Variants in TEX101 observed in about 807,000 individuals in gnomAD.
TEX101 encodes the protein testis-expressed protein 101.
TEX101 carries 10 observed loss-of-function variants against 18.1 expected under a neutral mutation model. The observed-to-expected ratio is 0.55, with a 90% CI of 0.34 to 0.94. The LOEUF (loss-of-function observed/expected upper bound fraction) is 0.94. TEX101 is among the 40% of genes least tolerant of loss of function. The pLI, the probability that TEX101 is intolerant of heterozygous loss-of-function variation, is 0.02. For synonymous variants in TEX101, 94 were observed against 114.8 expected (o/e 0.82, Z 1.16); for missense variants, 259 against 298.9 (o/e 0.87, Z 0.98).
intron 1 of TEX101, among the ~76,000 whole-genome samples, chr19:43,402,352 G>T (rs1469503853): frequency 6.6e-6 from 1 of 152,166 alleles, no homozygotes; most frequent in Non-Finnish European, 1.5e-5. Context: ...GATTAAGCAG[G>T]CAGGTCTAGA....
At chr19:43,397,576 TG>T (rs1014154990), upstream of TEX101, among the ~76,000 whole-genome samples, 10 of 137,998 alleles carry the variant, frequency 7.2e-5, no homozygotes, top group East Asian at 6.2e-4. Flanking sequence ...ATATTTCCTC[TG>T]GTTTTTTTCT....
the TEX101 span, among the ~76,000 whole-genome samples, chr19:43,392,102 G>A: frequency 6.6e-6 from 1 of 152,064 alleles, no homozygotes; most frequent in Non-Finnish European, 1.5e-5. Flanking sequence ...GAGAGAGAGA[G>A]AAAATGATAA....
chr19:43,409,903 T>C (rs752226115), upstream of TEX101, among the ~76,000 whole-genome samples: 1 of 152,088 alleles, frequency 6.6e-6, no homozygotes, highest in Non-Finnish European at 1.5e-5. Context: ...TTAGCTGGCA[T>C]GGTGACATGT....
chr19:43,413,535 A>G (rs1390056628), upstream of TEX101, among the ~76,000 whole-genome samples: 3 of 150,130 alleles, frequency 2.0e-5, no homozygotes, highest in Admixed American at 6.6e-5. Flanking sequence ...TTTTTCAGGG[A>G]GCTCGGCTCT....
At chr19:43,391,292 T>A in the TEX101 span, among the ~76,000 whole-genome samples, 4 of 152,050 alleles carry the variant, frequency 2.6e-5, no homozygotes, top group Non-Finnish European at 5.9e-5. Flanking sequence ...TTTTGGTGAG[T>A]CTATGATTAA....
rs375297798 is a variant in TEX101, at chr19:43,415,996, G to A, written c.64+13G>A. 6.2e-7 allele frequency: 1 copy of A among 1,613,672 alleles called. No individual in the cohort carries two copies. Among genetic ancestry groups the A allele is most frequent in the South Asian group, 1.1e-5 (1 of 90,996 alleles). ...TCCCTCCTGACCTGTGCGTATGGGG[G>A]ACATAGGGGAGAGCCGTGTGTCACA... On this transcript the variant is annotated intron_variant, in intron 2 of 5. Coordinates refer to ENST00000598265, the MANE Select transcript of TEX101 (RefSeq NM_001130011.3).
upstream of TEX101, among the ~76,000 whole-genome samples, chr19:43,410,756 GCA>G (rs921596723): frequency 6.9e-6 from 1 of 145,660 alleles, no homozygotes; most frequent in African/African-American, 2.6e-5. Context: ...TTCACACACA[GCA>G]CACAGATACA....
chr19:43,393,396 A>G, the TEX101 span, among the ~76,000 whole-genome samples: 120 of 152,316 alleles, frequency 7.9e-4, 1 homozygote, highest in African/African-American at 2.5e-3. Flanking sequence ...CTGGGTGTCC[A>G]TGCACAATCC....
At chr19:43,409,022 T>G (rs577263333) in intron 3 of TEX101, among the ~76,000 whole-genome samples, 1 of 152,132 alleles carries the variant, frequency 6.6e-6, no homozygotes, top group Non-Finnish European at 1.5e-5. Context: ...AATAATTAGA[T>G]TAATTGGCTG....
upstream of TEX101, chr19:43,414,875 C>A: frequency 1.0e-6 from 1 of 985,438 alleles, no homozygotes; most frequent in Non-Finnish European, 1.2e-6. Flanking sequence ...CCAGGCTGGC[C>A]CGGCCTTGCG....
upstream of TEX101, among the ~76,000 whole-genome samples, chr19:43,399,068 C>G (rs547705759): frequency 9.3e-4 from 142 of 152,306 alleles, no homozygotes; most frequent in African/African-American, 3.0e-3. Context: ...GTGAGGAGAG[C>G]AGACATGTTG....
chr19:43,402,303 T>C (rs1275845612), intron 1 of TEX101, among the ~76,000 whole-genome samples: 5 of 152,256 alleles, frequency 3.3e-5, no homozygotes, highest in African/African-American at 7.2e-5. Context: ...CTCTGTGTGA[T>C]TGATTATTAA....
chr19:43,393,938 A>G, the TEX101 span, among the ~76,000 whole-genome samples: 2 of 151,820 alleles, frequency 1.3e-5, no homozygotes, highest in Non-Finnish European at 2.9e-5. Flanking sequence ...TTAAAGCCCA[A>G]AGTAAACTTT....
At chr19:43,417,244 C>A (rs1970490107) in intron 4 of TEX101, among the ~76,000 whole-genome samples, 1 of 152,020 alleles carries the variant, frequency 6.6e-6, no homozygotes, top group African/African-American at 2.4e-5. Flanking sequence ...GGGGCTAATA[C>A]TCAAAATGCT....
rs1207846717 is a variant in TEX101 at position 43,417,892 on chromosome 19, A to G, written c.406A>G (p.Thr136Ala). ...TTTCCCTCCAGCTTCCACTGTGTCA[A>G]CAACCCTCCATTGTCCAACCTGTGT... ...FSETTASTVSTTLHCPTCVAL... is the reference protein window; with the variant it reads ...FSETTASTVSATLHCPTCVAL... Residue 136 changes from threonine to alanine, a missense_variant, in exon 5 of 6, where the codon ACA becomes GCA. By Grantham distance (58) the Thr-to-Ala change is moderately conservative. Transcript: ENST00000598265. The G allele has an allele frequency of 6.8e-6, 11 of 1,614,024 alleles. No individual in the cohort carries two copies. The highest frequency in any genetic ancestry group is 1.3e-5 in the African/African-American group (1 of 74,936).
chr19:43,414,112 A>C (rs1490487424), upstream of TEX101, among the ~76,000 whole-genome samples: 1 of 151,304 alleles, frequency 6.6e-6, no homozygotes, highest in Non-Finnish European at 1.5e-5. Flanking sequence ...CAAAAAGAGC[A>C]AAAGTCTGTC....
At chr19:43,406,596 G>C in intron 3 of TEX101, 1 of 610,314 alleles carries the variant, frequency 1.6e-6, no homozygotes, top group Middle Eastern at 3.1e-4. Context: ...GGAGTCGGGC[G>C]CGAGTTTCGA....
chr19:43,396,837 T>C (rs1970271035), upstream of TEX101, among the ~76,000 whole-genome samples: 1 of 139,692 alleles, frequency 7.2e-6, no homozygotes, highest in Non-Finnish European at 1.6e-5. Flanking sequence ...TTTTTTTTTT[T>C]TTTTTTTTTT....
At chr19:43,394,213 C>T in the TEX101 span, among the ~76,000 whole-genome samples, 1 of 151,680 alleles carries the variant, frequency 6.6e-6, no homozygotes, top group Admixed American at 6.6e-5. Context: ...AAATTGTAAA[C>T]CTTTGTCTTA....
Sources: allele counts gnomAD v4.1 joint callset (sites outside exome capture counted in the v4.1 genomes callset), GRCh38; gene constraint gnomAD v4.1.1; transcripts MANE v1.5; gene names NCBI Gene and HGNC (gene_info 2026-07-23, HGNC 2026-07-21).